SLC5A8: variants seen among roughly 807,000 people sequenced by gnomAD.
SLC5A8 encodes the protein solute carrier family 5 member 8, also known as sodium-coupled monocarboxylate transporter 1.
SLC5A8 carries 55 observed loss-of-function variants against 71.9 expected under a neutral mutation model. The observed-to-expected ratio is 0.77, with a 90% CI of 0.62 to 0.96. The LOEUF (loss-of-function observed/expected upper bound fraction) is 0.96, where lower values mean the gene tolerates loss of function less well. SLC5A8 is among the 40% of genes least tolerant of loss of function. The pLI, the probability that SLC5A8 is intolerant of heterozygous loss-of-function variation, is 0.00. For synonymous variants in SLC5A8, 307 were observed against 276.1 expected, an observed-to-expected ratio of 1.11 and a Z score of -1.11; for missense variants, 701 against 745.3, an observed-to-expected ratio of 0.94 and a Z score of 0.69.
At chr12:101,204,766 C>G (rs1356940199) in intron 1 of SLC5A8, among the ~76,000 whole-genome samples, 3 of 152,124 alleles carry the variant, frequency 2.0e-5, no homozygotes, top group African/African-American at 7.2e-5. Flanking sequence ...GGTTTTAACA[C>G]ACACTGATTC....
At chr12:101,157,752 T>C (rs887012915) in intron 14 of SLC5A8, among the ~76,000 whole-genome samples, 28 of 152,064 alleles carry the variant, frequency 1.8e-4, no homozygotes, top group Admixed American at 1.7e-3. Flanking sequence ...GATAGACAGA[T>C]ATAGAGAGAG....
At chr12:101,160,359 A>G (rs1355532489) in intron 13 of SLC5A8, among the ~76,000 whole-genome samples, 1 of 152,252 alleles carries the variant, frequency 6.6e-6, no homozygotes, top group Non-Finnish European at 1.5e-5. Flanking sequence ...TTTTATAATT[A>G]TAAATACAAG....
chr12:101,205,371 T>C (rs1352092371), intron 1 of SLC5A8, among the ~76,000 whole-genome samples: 1 of 152,234 alleles, frequency 6.6e-6, no homozygotes, highest in Non-Finnish European at 1.5e-5. Context: ...CAATTTTTCC[T>C]ATTCTACTTG....
intron 12 of SLC5A8, among the ~76,000 whole-genome samples, chr12:101,163,927 A>T (rs1403725343): frequency 6.6e-6 from 1 of 152,230 alleles, no homozygotes; most frequent in Non-Finnish European, 1.5e-5. Context: ...ACATGGGGAA[A>T]AATAATCTTG....
At position 101,187,759 on chromosome 12, in the gene SLC5A8, C is replaced by G. The variant is rs140879130; in HGVS notation, c.834-244G>C. ...ATTTCCCCATGAAAGAGTGTATGCT[C>G]GTGGTCGGAGCTCCAGGGGCATTGT... On this transcript the variant is annotated intron_variant, in intron 6 of 14. Transcript: ENST00000536262. Among the ~76,000 whole-genome samples, 12 of 151,818 alleles carry G rather than the reference C, an allele frequency of 7.9e-5. No homozygotes were observed. In the East Asian group the frequency reaches 2.1e-3, roughly 27 times the overall value.
At chr12:101,161,484 GAAAA>G (rs769153703) in intron 13 of SLC5A8, among the ~76,000 whole-genome samples, 1 of 151,322 alleles carries the variant, frequency 6.6e-6, no homozygotes, top group African/African-American at 2.4e-5. Context: ...ATAAATATCT[GAAAA>G]AAAAGCCTCC....
intron 10 of SLC5A8, among the ~76,000 whole-genome samples, chr12:101,173,671 T>G (rs892968191): frequency 6.6e-6 from 1 of 152,240 alleles, no homozygotes; most frequent in Non-Finnish European, 1.5e-5. Context: ...AGCTGCGACA[T>G]GCCCTTTGAT....
intron 12 of SLC5A8, among the ~76,000 whole-genome samples, chr12:101,162,630 A>T (rs2625156): frequency 4.6e-5 from 7 of 152,040 alleles, no homozygotes; most frequent in Admixed American, 2.0e-4. Context: ...ATCCAAGCAA[A>T]TTAATGCAGG....
chr12:101,200,216 C>T (rs1869399081), intron 3 of SLC5A8, among the ~76,000 whole-genome samples: 1 of 151,710 alleles, frequency 6.6e-6, no homozygotes, highest in African/African-American at 2.4e-5. Flanking sequence ...AAAATGATTT[C>T]TTGGGCCCAT....
intron 13 of SLC5A8, among the ~76,000 whole-genome samples, chr12:101,160,186 GCAA>G (rs368398941): frequency 7.2e-5 from 11 of 151,942 alleles, no homozygotes; most frequent in East Asian, 1.9e-4. Context: ...CATCTCAACA[GCAA>G]CAACAACAAC....
chr12:101,199,283 T>A (rs1869333266), intron 3 of SLC5A8: 1 of 152,016 alleles, frequency 6.6e-6, no homozygotes, highest in Non-Finnish European at 1.5e-5. Context: ...AAATATGGAA[T>A]GCTTCACAAA....
At chr12:101,205,595 A>C (rs939388638) in intron 1 of SLC5A8, among the ~76,000 whole-genome samples, 1 of 152,222 alleles carries the variant, frequency 6.6e-6, no homozygotes, top group Non-Finnish European at 1.5e-5. Context: ...GGTAATAATC[A>C]GAGGAAAAGA....
At chr12:101,183,262 G>T (rs567721379) in intron 8 of SLC5A8, among the ~76,000 whole-genome samples, 1 of 152,046 alleles carries the variant, frequency 6.6e-6, no homozygotes, top group South Asian at 2.1e-4. Flanking sequence ...AGCCAGGATG[G>T]TCTCGATCTC....
At chr12:101,176,409 C>T (rs1045135714) in intron 10 of SLC5A8, among the ~76,000 whole-genome samples, 1 of 152,006 alleles carries the variant, frequency 6.6e-6, no homozygotes, top group Non-Finnish European at 1.5e-5. Context: ...AACAACCAAA[C>T]AGAAAATCAG....
At chr12:101,196,643 C>T (rs1181971061) in intron 3 of SLC5A8, among the ~76,000 whole-genome samples, 1 of 152,048 alleles carries the variant, frequency 6.6e-6, no homozygotes, top group East Asian at 1.9e-4. Flanking sequence ...ACAGAGGAAA[C>T]ATGTCACAAA....
intron 5 of SLC5A8, among the ~76,000 whole-genome samples, chr12:101,192,754 A>G (rs1432971190): frequency 6.6e-6 from 1 of 152,202 alleles, no homozygotes; most frequent in African/African-American, 2.4e-5. Context: ...ATACATACAC[A>G]TACATAGAAT....
At chr12:101,182,579 C>G (rs918424918) in intron 9 of SLC5A8, among the ~76,000 whole-genome samples, 1 of 152,154 alleles carries the variant, frequency 6.6e-6, no homozygotes, top group African/African-American at 2.4e-5. Flanking sequence ...GGTTCACTGA[C>G]AATTAATTGT....
chr12:101,177,075 A>AG (rs1251159334), intron 10 of SLC5A8, among the ~76,000 whole-genome samples: 1 of 152,144 alleles, frequency 6.6e-6, no homozygotes, highest in Non-Finnish European at 1.5e-5. Flanking sequence ...GGAATGGAAC[A>AG]GGGGCTATCA....
intron 4 of SLC5A8, among the ~76,000 whole-genome samples, chr12:101,194,810 G>T (rs751005625): frequency 6.6e-6 from 1 of 152,064 alleles, no homozygotes; most frequent in Non-Finnish European, 1.5e-5. Flanking sequence ...GGAATAGTAT[G>T]AGCACAAATA....
Sources: allele counts gnomAD v4.1 joint callset (sites outside exome capture counted in the v4.1 genomes callset), GRCh38; gene constraint gnomAD v4.1.1; transcripts MANE v1.5; gene names NCBI Gene and HGNC (gene_info 2026-07-23, HGNC 2026-07-21).